The following CAMK2D variants were observed in gnomAD, a reference collection of about 807,000 sequenced individuals.
CAMK2D encodes the protein calcium/calmodulin dependent protein kinase II delta.
In CAMK2D, 37 loss-of-function variants were observed where a neutral mutation model predicts 84.0. The observed-to-expected ratio is 0.44, with a 90% CI of 0.34 to 0.58. CAMK2D has a LOEUF of 0.58. Ranked by LOEUF, CAMK2D falls within the 20% of genes least tolerant of loss-of-function variation. The pLI is 0.02. For missense variants in CAMK2D, 448 were observed against 652.5 expected, an observed-to-expected ratio of 0.69 and a Z score of 3.41; for synonymous variants, 202 against 212.5, an observed-to-expected ratio of 0.95 and a Z score of 0.43.
At chr4:113,493,694 T>C (rs2097880435) in intron 16 of CAMK2D, among the ~76,000 whole-genome samples, 2 of 152,036 alleles carry the variant, frequency 1.3e-5, no homozygotes. Context: ...TGGCCTGCCT[T>C]GCCAGATTGG....
At chr4:113,519,216 C>T (rs2098326110) in intron 8 of CAMK2D, among the ~76,000 whole-genome samples, 1 of 152,072 alleles carries the variant, frequency 6.6e-6, no homozygotes, top group South Asian at 2.1e-4. Flanking sequence ...TGAACATTTT[C>T]CTAATACACA....
rs991068565 is a variant in CAMK2D, at chr4:113,607,627, G to A, written c.275+1525C>T. 7.3e-5 allele frequency among the ~76,000 whole-genome samples: 11 copies of A among 150,416 alleles called. No individual in the cohort carries two copies. The East Asian group carries it at 1.4e-3, about 19-fold the overall frequency. On this transcript the variant is annotated intron_variant, in intron 4 of 20. Coordinates refer to ENST00000511664, the MANE Select transcript of CAMK2D (RefSeq NM_001321571.2). The stretch of plus-strand genomic sequence containing the variant: ...CACCCTGTAATCCCTGTCCCCGCCC[G>A]CAAGAGAAAAATCCCCTTTGACTGT...
At position 113,513,845 on chromosome 4, in the gene CAMK2D, A is replaced by T; in HGVS notation, c.888T>A (p.Ala296=). 1 of 1,553,242 alleles carries T rather than the reference A, an allele frequency of 6.4e-7. No individual in the cohort carries two copies. Among genetic ancestry groups the T allele is most frequent in the Non-Finnish European group, 8.9e-7 (1 of 1,126,614 alleles). The change falls in exon 11 of 21, where the codon GCT becomes GCA. Residue 296 remains alanine, a synonymous_variant. Coordinates refer to ENST00000511664, the MANE Select transcript of CAMK2D (RefSeq NM_001321571.2). ...ETVDCLKKFN[A]RRKLKGAILT... ...AATTTCTTACCTTTAGTTTTCTTCT[A>T]GCATTAAATTTCTTCAAGCAGTCTA...
chr4:113,460,859 A>C (rs1033140174), intron 17 of CAMK2D, among the ~76,000 whole-genome samples: 4 of 151,734 alleles, frequency 2.6e-5, no homozygotes, highest in African/African-American at 9.7e-5. Flanking sequence ...TTAATTTTTA[A>C]ATTTTTATTT....
At chr4:113,478,154 C>CAG (rs2154125458) in intron 16 of CAMK2D, among the ~76,000 whole-genome samples, 1 of 152,088 alleles carries the variant, frequency 6.6e-6, no homozygotes, top group African/African-American at 2.4e-5. Context: ...TTGGAGGTTT[C>CAG]AGAGAGGATG....
At chr4:113,645,665 T>C (rs546968091) in intron 3 of CAMK2D, among the ~76,000 whole-genome samples, 2 of 151,798 alleles carry the variant, frequency 1.3e-5, no homozygotes, top group African/African-American at 4.8e-5. Context: ...TACCCTAGAA[T>C]AAGGTTTATC....
chr4:113,604,911 G>A (rs994087684), intron 4 of CAMK2D, among the ~76,000 whole-genome samples: 2 of 152,202 alleles, frequency 1.3e-5, no homozygotes, highest in South Asian at 2.1e-4. Flanking sequence ...AACTGGCATA[G>A]TAGAAGGTTT....
At chr4:113,648,370 C>T (rs1385345341) in intron 3 of CAMK2D, among the ~76,000 whole-genome samples, 1 of 152,180 alleles carries the variant, frequency 6.6e-6, no homozygotes, top group Non-Finnish European at 1.5e-5. Context: ...ATCATTCTGT[C>T]TATGGCCCCC....
intron 16 of CAMK2D, among the ~76,000 whole-genome samples, chr4:113,494,393 C>A (rs1031072756): frequency 1.1e-4 from 17 of 152,034 alleles, no homozygotes; most frequent in Admixed American, 9.8e-4. Flanking sequence ...GTTGGAGTAC[C>A]CTGCCGTGTG....
chr4:113,739,709 TAC>T (rs1057502264), intron 2 of CAMK2D, among the ~76,000 whole-genome samples: 7 of 152,154 alleles, frequency 4.6e-5, no homozygotes, highest in African/African-American at 9.7e-5. Flanking sequence ...AAAACTTTCC[TAC>T]ATGATATAAT....
chr4:113,753,800 C>T (rs1223551832), intron 2 of CAMK2D: 68 of 530,304 alleles, frequency 1.3e-4, no homozygotes, highest in Admixed American at 1.9e-4. Context: ...TGGGTGGGGG[C>T]GGGGGTGGTA....
chr4:113,572,912 G>T (rs1165651383), intron 4 of CAMK2D, among the ~76,000 whole-genome samples: 1 of 152,096 alleles, frequency 6.6e-6, no homozygotes, highest in Admixed American at 6.5e-5. Context: ...TGGGGCTGGA[G>T]GTTACCATCC....
chr4:113,557,865 C>T (rs1318337513), intron 4 of CAMK2D, among the ~76,000 whole-genome samples: 1 of 152,072 alleles, frequency 6.6e-6, no homozygotes, highest in Admixed American at 6.6e-5. Context: ...ACAGCTGATA[C>T]CAGAGTACCT....
intron 2 of CAMK2D, among the ~76,000 whole-genome samples, chr4:113,674,546 T>C (rs2099310310): frequency 1.3e-5 from 2 of 152,056 alleles, no homozygotes; most frequent in African/African-American, 4.8e-5. Context: ...TTGTCTGTGG[T>C]TCCTTCTAAA....
rs117773073 is a variant in CAMK2D at position 113,473,287 on chromosome 4, T to C, written c.1136-7683A>G. On this transcript the variant is annotated intron_variant, in intron 16 of 20. Transcript: ENST00000511664. Reference sequence around the variant, plus strand: ...GAATAGTTACTATTTTAGGCAACTATACAAATTATGCTCTTGGTAGTTTTA... The same window carrying C: ...GAATAGTTACTATTTTAGGCAACTACACAAATTATGCTCTTGGTAGTTTTA... Among the ~76,000 whole-genome samples, 69 of 152,350 alleles carry C rather than the reference T, an allele frequency of 4.5e-4. 1 individual carries two copies. The East Asian group carries it at 0.013, about 29-fold the overall frequency.
intron 3 of CAMK2D, among the ~76,000 whole-genome samples, chr4:113,615,862 C>T (rs545790476): frequency 3.4e-4 from 52 of 152,156 alleles, no homozygotes; most frequent in African/African-American, 1.1e-3. Context: ...GTTTGATTAG[C>T]TGGCTAAGGC....
chr4:113,581,437 C>T (rs2098808146), intron 4 of CAMK2D, among the ~76,000 whole-genome samples: 3 of 149,866 alleles, frequency 2.0e-5, no homozygotes, highest in Non-Finnish European at 4.4e-5. Flanking sequence ...CACTTGAACC[C>T]GGGAGGCGGA....
intron 2 of CAMK2D, among the ~76,000 whole-genome samples, chr4:113,702,661 C>T (rs1002980984): frequency 6.6e-6 from 1 of 152,122 alleles, no homozygotes; most frequent in Admixed American, 6.6e-5. Context: ...GTAATCCCAG[C>T]ACTTTGGAAG....
At chr4:113,744,702 T>C (rs1424787385) in intron 2 of CAMK2D, among the ~76,000 whole-genome samples, 1 of 152,170 alleles carries the variant, frequency 6.6e-6, no homozygotes, top group Non-Finnish European at 1.5e-5. Context: ...CACAGTTTTA[T>C]AGATAAGAAA....
Sources: gnomAD v4.1 joint callset for allele counts (sites outside exome capture counted in the v4.1 genomes callset) on GRCh38, gnomAD v4.1.1 for gene constraint, MANE v1.5 for transcripts, NCBI Gene and HGNC (gene_info 2026-07-23, HGNC 2026-07-21) for gene names.